ATG5: variants seen among roughly 807,000 people sequenced by gnomAD.
The protein encoded by ATG5 is autophagy related 5, also known as autophagy protein 5.
A neutral mutation model predicts 36.5 loss-of-function variants in ATG5; 14 were observed. The observed-to-expected ratio is 0.38, with a 90% CI of 0.25 to 0.60. The LOEUF (loss-of-function observed/expected upper bound fraction) is 0.60. Ranked by LOEUF, ATG5 falls within the 20% of genes least tolerant of loss-of-function variation. The pLI is 0.60. For missense variants in ATG5, 195 were observed against 326.7 expected (o/e 0.60, Z 3.11); for synonymous variants, 95 against 101.5 (o/e 0.94, Z 0.38).
At chr6:106,235,584 T>C (rs1303656096) in intron 6 of ATG5, among the ~76,000 whole-genome samples, 2 of 152,076 alleles carry the variant, frequency 1.3e-5, no homozygotes, top group Non-Finnish European at 2.9e-5. Flanking sequence ...GCTTGCAACT[T>C]AGCTCACACC....
intron 5 of ATG5, among the ~76,000 whole-genome samples, chr6:106,255,467 A>C (rs1353349879): frequency 6.6e-6 from 1 of 152,182 alleles, no homozygotes; most frequent in Non-Finnish European, 1.5e-5. Flanking sequence ...AATCTTATTA[A>C]GTATTGAGAA....
intron 5 of ATG5, among the ~76,000 whole-genome samples, chr6:106,270,920 A>G (rs1425377263): frequency 2.0e-5 from 3 of 152,150 alleles, no homozygotes; most frequent in Non-Finnish European, 4.4e-5. Flanking sequence ...TACCTCTAAA[A>G]TAAGCCCCAA....
At chr6:106,272,362 G>C (rs1010130702) in intron 5 of ATG5, among the ~76,000 whole-genome samples, 1 of 152,168 alleles carries the variant, frequency 6.6e-6, no homozygotes, top group African/African-American at 2.4e-5. Context: ...GTTCAATATT[G>C]TTAAAATGGC....
chr6:106,296,923 GA>G (rs1044858580), intron 3 of ATG5, among the ~76,000 whole-genome samples: 5 of 152,146 alleles, frequency 3.3e-5, no homozygotes, highest in Non-Finnish European at 5.9e-5. Flanking sequence ...CAATGGCAGA[GA>G]AAAAAACTGA....
At chr6:106,288,538 A>AT (rs1487575715) in intron 4 of ATG5, among the ~76,000 whole-genome samples, 1 of 152,182 alleles carries the variant, frequency 6.6e-6, no homozygotes, top group African/African-American at 2.4e-5. Flanking sequence ...AAAAATATTA[A>AT]TTTTCTGATT....
At chr6:106,244,659 T>C (rs1031456451) in intron 6 of ATG5, among the ~76,000 whole-genome samples, 7 of 152,250 alleles carry the variant, frequency 4.6e-5, no homozygotes, top group African/African-American at 1.7e-4. Context: ...AATGTTATAT[T>C]TGTATTCTTA....
At chr6:106,189,044 T>C (rs144549061) in intron 7 of ATG5, among the ~76,000 whole-genome samples, 3 of 152,308 alleles carry the variant, frequency 2.0e-5, no homozygotes, top group Admixed American at 6.5e-5. Context: ...GTACCTGACA[T>C]ATACAGTAAT....
At chr6:106,274,223 G>C (rs998523558) in intron 5 of ATG5, among the ~76,000 whole-genome samples, 2 of 152,070 alleles carry the variant, frequency 1.3e-5, no homozygotes, top group Non-Finnish European at 2.9e-5. Context: ...ATAGGTAATA[G>C]CCTGCACTTG....
chr6:106,196,995 G>A (rs1445339370), intron 7 of ATG5, among the ~76,000 whole-genome samples: 2 of 152,144 alleles, frequency 1.3e-5, no homozygotes, highest in Non-Finnish European at 2.9e-5. Flanking sequence ...AATGTATCAA[G>A]GGAGACCCCC....
At chr6:106,269,309 ACATAAAGGTTCTCCACGT>A in intron 5 of ATG5, among the ~76,000 whole-genome samples, 1 of 152,360 alleles carries the variant, frequency 6.6e-6, no homozygotes, top group East Asian at 1.9e-4. Flanking sequence ...CCTGAGCTAG[ACATAAAGGTTCTCCACGT>A]CCCCACCAGA....
In ATG5 at chr6:106,250,442, A is replaced by G. The variant is rs142146106; in HGVS notation, c.479-2198T>C. On this transcript the variant is annotated intron_variant, in intron 5 of 7. Coordinates refer to ENST00000369076, the MANE Select transcript of ATG5 (RefSeq NM_004849.4). ...GATGATAACTAAGGCCCAGATTATT[A>G]TATGTTTAATTAATAACCAAGACCA... is the stretch of plus-strand genomic sequence containing the variant. Among the ~76,000 whole-genome samples, 153 of 152,328 alleles carry G rather than the reference A, an allele frequency of 1.0e-3. 1 individual carries two copies. Among genetic ancestry groups the G allele is most frequent in the African/African-American group, 3.5e-3 (145 of 41,582 alleles).
At chr6:106,279,607 G>GATATAA in intron 5 of ATG5, 54 bp downstream of exon 5, 1 of 1,327,264 alleles carries the variant, frequency 7.5e-7, no homozygotes, top group Non-Finnish European at 1.0e-6. Context: ...CAGGGTTATG[G>GATATAA]CTGTATCATA....
chr6:106,293,157 T>G, intron 3 of ATG5, 51 bp from the exon 4 acceptor site: 16 of 1,427,310 alleles, frequency 1.1e-5, no homozygotes, highest in Non-Finnish European at 1.6e-5. Context: ...AAGTTATAAC[T>G]ACAAGGCCAA....
rs141380134 is a variant in ATG5, at chr6:106,227,181, A to T, written c.573+20969T>A. On this transcript the variant is annotated intron_variant, in intron 6 of 7. Transcript: ENST00000369076. ...AATCAAATGACTGAAATATAAAGAG[A>T]GACTCTCAAAACAGGCAAGGGACTT... Among the ~76,000 whole-genome samples the T allele has an allele frequency of 2.9e-3, 447 of 152,278 alleles. 2 individuals carry two copies. The highest frequency in any genetic ancestry group is 0.01 in the African/African-American group (418 of 41,558).
At chr6:106,212,582 T>C (rs1776895713) in intron 6 of ATG5, among the ~76,000 whole-genome samples, 1 of 152,190 alleles carries the variant, frequency 6.6e-6, no homozygotes, top group South Asian at 2.1e-4. Flanking sequence ...GAGGTTGCAG[T>C]GAGCTGACAC....
In ATG5 at chr6:106,249,094, T is replaced by G. The variant is rs568892951; in HGVS notation, c.479-850A>C. On this transcript the variant is annotated intron_variant, in intron 5 of 7. Transcript: ENST00000369076. ...GACCAATTAAGCTCTTTTTAAAAAC[T>G]TTTCAATTTCAAATTTTTTAAATAA... 5.9e-5 allele frequency among the ~76,000 whole-genome samples: 9 copies of G among 152,260 alleles called. No individual in the cohort carries two copies. The East Asian group carries it at 1.5e-3, about 26-fold the overall frequency.
At chr6:106,189,738 G>A (rs1204169603) in intron 7 of ATG5, among the ~76,000 whole-genome samples, 2 of 151,750 alleles carry the variant, frequency 1.3e-5, no homozygotes, top group Admixed American at 6.6e-5. Context: ...TGGTAAACAT[G>A]TCTTTTTGTT....
intron 7 of ATG5, among the ~76,000 whole-genome samples, chr6:106,194,586 T>C (rs1232101445): frequency 6.6e-6 from 1 of 152,064 alleles, no homozygotes; most frequent in Non-Finnish European, 1.5e-5. Context: ...GTGCCCAGGC[T>C]AGACTGCAAT....
intron 6 of ATG5, among the ~76,000 whole-genome samples, chr6:106,215,945 G>T (rs1777022976): frequency 6.6e-6 from 1 of 152,148 alleles, no homozygotes; most frequent in African/African-American, 2.4e-5. Context: ...ATGAGCAAAG[G>T]ATCTGAAGAC....
Sources: allele counts gnomAD v4.1 joint callset (sites outside exome capture counted in the v4.1 genomes callset), GRCh38; gene constraint gnomAD v4.1.1; transcripts MANE v1.5; gene names NCBI Gene and HGNC (gene_info 2026-07-23, HGNC 2026-07-21).